PKD2L1: variants seen among roughly 807,000 people sequenced by gnomAD.
The protein encoded by PKD2L1 is polycystin-2-like protein 1.
Under a neutral mutation model 93.0 loss-of-function variants are expected in PKD2L1, and 77 were observed. The observed-to-expected ratio is 0.83, with a 90% confidence interval of 0.69 to 1.00. PKD2L1 has a LOEUF of 1.00. Among genes scored for constraint, PKD2L1 ranks in the 50% least tolerant of loss-of-function variants. The probability of loss-of-function intolerance (pLI) is 0.00; values close to 1 mark genes in which losing one functional copy is unlikely to be tolerated. For synonymous variants in PKD2L1, 390 were observed against 388.0 expected (o/e 1.01, Z -0.06); for missense variants, 977 against 990.9 (o/e 0.99, Z 0.19).
intron 2 of PKD2L1, among the ~76,000 whole-genome samples, chr10:100,311,255 C>G (rs12269609): frequency 6.6e-6 from 1 of 152,130 alleles, no homozygotes; most frequent in Non-Finnish European, 1.5e-5. Context: ...CTTGTTTAAT[C>G]TAGAGTGTTC....
chr10:100,321,648 G>C (rs1285003370), intron 2 of PKD2L1, among the ~76,000 whole-genome samples: 2 of 128,882 alleles, frequency 1.6e-5, no homozygotes, highest in Admixed American at 9.0e-5. Context: ...ACTCCAGCCT[G>C]GGCAACAGAG....
intron 2 of PKD2L1, among the ~76,000 whole-genome samples, chr10:100,327,069 C>T (rs1203645006): frequency 6.6e-6 from 1 of 152,170 alleles, no homozygotes; most frequent in Non-Finnish European, 1.5e-5. Flanking sequence ...GGAAGTGAGC[C>T]TCTGAGGGGA....
intron 2 of PKD2L1, among the ~76,000 whole-genome samples, chr10:100,311,692 A>C (rs1270942545): frequency 6.6e-6 from 1 of 152,152 alleles, no homozygotes; most frequent in Non-Finnish European, 1.5e-5. Flanking sequence ...GTGATATGTG[A>C]TGGAACACAG....
chr10:100,294,412 GC>G (rs1213189780), intron 9 of PKD2L1, 122 bp downstream of exon 9: 10 of 1,012,336 alleles, frequency 9.9e-6, no homozygotes, highest in Admixed American at 4.0e-5. Flanking sequence ...CCAGACATCG[GC>G]CCCCCCACTC....
Position 100,295,137 on chromosome 10 carries a change from G to A in PKD2L1, c.1357-14C>T, listed in dbSNP as rs188002233. 1,283 of 1,608,566 alleles carry A rather than the reference G, an allele frequency of 8.0e-4. No homozygotes were observed. Among genetic ancestry groups the A allele is most frequent in the Non-Finnish European group, 1.0e-3 (1,200 of 1,175,706 alleles). ...GTACTTGAATATCTGGAAGGACCAT[G>A]TTGAACCAAGGGATGAAGAAGGAAA... On this transcript the variant is annotated splice_polypyrimidine_tract_variant and intron_variant, in intron 7 of 15. Transcript: ENST00000318222.
At position 100,288,183 on chromosome 10, in the gene PKD2L1, A is replaced by G; in HGVS notation, c.*213T>C. On this transcript the variant is annotated 3_prime_UTR_variant, in exon 16 of 16. Coordinates refer to ENST00000318222, the MANE Select transcript of PKD2L1 (RefSeq NM_016112.3). ...GGAGTTTTATTGATAGCCACCATGGAAACCCACATGGTCTTATGGAAGAAT... is the reference window on the plus strand; with the variant it reads ...GGAGTTTTATTGATAGCCACCATGGGAACCCACATGGTCTTATGGAAGAAT... The G allele has an allele frequency of 2.0e-6, 1 of 499,518 alleles. No individual in the cohort carries two copies. The highest frequency in any genetic ancestry group is 3.6e-6 in the Non-Finnish European group (1 of 278,602). 30.9% of individuals were successfully genotyped at this position (499,518 alleles called of 1,614,324 possible).
intron 2 of PKD2L1, among the ~76,000 whole-genome samples, chr10:100,307,488 G>A (rs985959283): frequency 3.9e-5 from 6 of 152,082 alleles, no homozygotes; most frequent in African/African-American, 1.4e-4. Context: ...GGGAGACCTT[G>A]TCTCTACAAA....
chr10:100,315,360 C>T (rs1007368328), intron 2 of PKD2L1, among the ~76,000 whole-genome samples: 1 of 151,986 alleles, frequency 6.6e-6, no homozygotes, highest in South Asian at 2.1e-4. Context: ...CTGCACCTAT[C>T]GACTCATCAT....
Position 100,291,335 on chromosome 10 carries a change from T to A in PKD2L1, c.1973A>T (p.Gln658Leu), listed in dbSNP as rs114804435. The A allele has an allele frequency of 1.7e-3, 2,703 of 1,614,076 alleles. 34 individuals carry two copies. The African/African-American group carries it at 0.028, about 17-fold the overall frequency. The change falls in exon 12 of 16, where the codon CAG becomes CTG. Residue 658 changes from glutamine to leucine, a missense_variant. Physicochemically the swap from Gln to Leu is moderately radical, Grantham distance 113. Transcript: ENST00000318222. ...DGNRILDEKE[Q>L]EKMRQDLEEE... ...CTCCAGGTCCTGTCGCATTTTTTCC[T>A]GTTCCTTCTCATCCAGAATACGATT...
At position 100,290,039 on chromosome 10, in the gene PKD2L1, C is replaced by T. The variant is rs1320225193; in HGVS notation, c.2226G>A (p.Gly742=). Reference sequence around the variant, plus strand: ...CCACGCCTGGGGAGGGAGCCAGCCACCCCTTCCTCTCCAGCATTTTCAGCT... The same window carrying T: ...CCACGCCTGGGGAGGGAGCCAGCCATCCCTTCCTCTCCAGCATTTTCAGCT... ...GSKLKMLERK[G]WLAPSPGVKE... The change falls in exon 14 of 16, where the codon GGG becomes GGA. Residue 742 remains glycine, a synonymous_variant. Coordinates refer to ENST00000318222, the MANE Select transcript of PKD2L1 (RefSeq NM_016112.3). 1 of 1,614,080 alleles carries T rather than the reference C, an allele frequency of 6.2e-7. No individual in the cohort carries two copies. Among genetic ancestry groups the T allele is most frequent in the Non-Finnish European group, 8.5e-7 (1 of 1,180,030 alleles).
chr10:100,313,020 A>G (rs1051752990), intron 2 of PKD2L1, among the ~76,000 whole-genome samples: 1 of 152,088 alleles, frequency 6.6e-6, no homozygotes, highest in Admixed American at 6.6e-5. Context: ...GAAGACACCA[A>G]CTGTAGTAAA....
intron 2 of PKD2L1, among the ~76,000 whole-genome samples, chr10:100,300,486 G>A (rs1047074111): frequency 3.9e-5 from 6 of 152,206 alleles, no homozygotes; most frequent in Non-Finnish European, 8.8e-5. Context: ...CAGTAGGGCT[G>A]TAGGGAGCAC....
chr10:100,315,013 AG>A (rs1215488323), intron 2 of PKD2L1, among the ~76,000 whole-genome samples: 7 of 9,786 alleles, frequency 7.2e-4, no homozygotes, highest in African/African-American at 3.2e-3. Flanking sequence ...GAAGGAAGGA[AG>A]GGAAGGGAAG....
chr10:100,312,187 C>A (rs1314686025), intron 2 of PKD2L1, among the ~76,000 whole-genome samples: 2 of 152,140 alleles, frequency 1.3e-5, no homozygotes, highest in African/African-American at 4.8e-5. Flanking sequence ...TTGTTGAAAC[C>A]GTGCATTTCA....
chr10:100,310,652 A>C (rs1418372366), intron 2 of PKD2L1, among the ~76,000 whole-genome samples: 2 of 152,184 alleles, frequency 1.3e-5, no homozygotes, highest in Non-Finnish European at 2.9e-5. Flanking sequence ...ATGAGTATTT[A>C]ATATGAATTT....
intron 13 of PKD2L1, 79 bp from the exon 14 acceptor site, chr10:100,290,217 G>T: frequency 6.4e-7 from 1 of 1,565,990 alleles, no homozygotes. Flanking sequence ...AGGGTTCACA[G>T]AAGGGCATGT....
At chr10:100,315,522 C>T (rs929346088) in intron 2 of PKD2L1, among the ~76,000 whole-genome samples, 7 of 152,014 alleles carry the variant, frequency 4.6e-5, no homozygotes, top group African/African-American at 1.5e-4. Context: ...TGAGAGCATG[C>T]GATGTTTGGT....
intron 2 of PKD2L1, among the ~76,000 whole-genome samples, chr10:100,321,758 G>GAAA (rs1564894560): frequency 1.4e-3 from 2 of 1,386 alleles, no homozygotes; most frequent in African/African-American, 2.1e-3. Flanking sequence ...AAAGAAAGAA[G>GAAA]GGAGGGAGGG....
chr10:100,308,541 A>G (rs1194229038), intron 2 of PKD2L1, among the ~76,000 whole-genome samples: 2 of 151,998 alleles, frequency 1.3e-5, no homozygotes, highest in African/African-American at 4.8e-5. Context: ...CACCATGTTG[A>G]CCAGGCTAGT....
Sources: gnomAD v4.1 joint callset for allele counts (sites outside exome capture counted in the v4.1 genomes callset) on GRCh38, gnomAD v4.1.1 for gene constraint, MANE v1.5 for transcripts, NCBI Gene and HGNC (gene_info 2026-07-23, HGNC 2026-07-21) for gene names.